KALRN: variants seen among roughly 807,000 people sequenced by gnomAD.
KALRN encodes the protein kalirin.
In KALRN, 70 loss-of-function variants were observed where a neutral mutation model predicts 353.7. The ratio of observed to expected loss-of-function variants is 0.20; its 90% confidence interval spans 0.16 to 0.24. The LOEUF is 0.24. Among genes scored for constraint, KALRN ranks in the 10% least tolerant of loss-of-function variants. The pLI is 1.00. For missense variants in KALRN, 2,791 were observed against 3,756.7 expected, an observed-to-expected ratio of 0.74 and a Z score of 6.72; for synonymous variants, 1,391 against 1,434.8, an observed-to-expected ratio of 0.97 and a Z score of 0.69.
At chr3:124,167,485 G>T (rs1429604055) in intron 1 of KALRN, among the ~76,000 whole-genome samples, 1 of 152,190 alleles carries the variant, frequency 6.6e-6, no homozygotes, top group Non-Finnish European at 1.5e-5. Context: ...TGAAATAAAG[G>T]GGTTGAGCTA....
chr3:124,570,910 C>T (rs574934695), intron 34 of KALRN, among the ~76,000 whole-genome samples: 1 of 152,334 alleles, frequency 6.6e-6, no homozygotes, highest in African/African-American at 2.4e-5. Context: ...CCACAATGTC[C>T]TTGACAAGTG....
chr3:124,294,432 G>T (rs2076673778), intron 5 of KALRN, among the ~76,000 whole-genome samples: 1 of 151,462 alleles, frequency 6.6e-6, no homozygotes, highest in South Asian at 2.1e-4. Context: ...TTGTTTTATG[G>T]ATGCAATGTA....
intron 11 of KALRN, among the ~76,000 whole-genome samples, chr3:124,388,886 C>T (rs2088875869): frequency 6.6e-6 from 1 of 152,102 alleles, no homozygotes; most frequent in East Asian, 1.9e-4. Flanking sequence ...AAGTATGGGT[C>T]CTATTTGATC....
chr3:124,086,157 A>G (rs1054892976), intron 1 of KALRN, among the ~76,000 whole-genome samples: 26 of 152,044 alleles, frequency 1.7e-4, no homozygotes, highest in African/African-American at 6.3e-4. Context: ...ATACACTGCA[A>G]TGTGTGTATA....
chr3:124,080,171 G>C, intron 1 of KALRN: 1 of 395,786 alleles, frequency 2.5e-6, no homozygotes, highest in South Asian at 2.0e-5. Flanking sequence ...TTAGCTTTCT[G>C]TAGCCTTTCC....
intron 28 of KALRN, among the ~76,000 whole-genome samples, chr3:124,485,468 G>A (rs2062458983): frequency 1.3e-5 from 2 of 152,204 alleles, no homozygotes. Context: ...GTGGGCTCTG[G>A]ACCTTTGTTC....
chr3:124,367,100 G>A (rs1209828133), intron 10 of KALRN, among the ~76,000 whole-genome samples: 1,985 of 114,300 alleles, frequency 0.017, 59 homozygotes, highest in African/African-American at 0.061. Context: ...GTGGCTGGCC[G>A]GGCTGAGGGG....
intron 1 of KALRN, among the ~76,000 whole-genome samples, chr3:124,212,127 A>T (rs1174424210): frequency 2.0e-5 from 3 of 152,204 alleles, no homozygotes; most frequent in African/African-American, 7.2e-5. Context: ...TACAGTTTTA[A>T]GTTTGGGATA....
chr3:124,627,135 C>T (rs1292269688), intron 34 of KALRN, among the ~76,000 whole-genome samples: 2 of 152,134 alleles, frequency 1.3e-5, no homozygotes, highest in East Asian at 1.9e-4. Context: ...TCTGAAGAAG[C>T]GATTAACTAA....
intron 1 of KALRN, among the ~76,000 whole-genome samples, chr3:124,070,869 C>G (rs2059984020): frequency 6.6e-6 from 1 of 152,134 alleles, no homozygotes; most frequent in African/African-American, 2.4e-5. Flanking sequence ...AGTTTTGCCA[C>G]CTATAAAAAG....
At chr3:124,487,351 A>G (rs983448204) in intron 28 of KALRN, among the ~76,000 whole-genome samples, 6 of 152,192 alleles carry the variant, frequency 3.9e-5, no homozygotes, top group Admixed American at 1.3e-4. Flanking sequence ...AGGAAATACA[A>G]AAGAAAGGAC....
chr3:124,434,780 G>A (rs76988380), intron 17 of KALRN, among the ~76,000 whole-genome samples: 92 of 152,320 alleles, frequency 6.0e-4, no homozygotes, highest in African/African-American at 2.2e-3. Context: ...TAGAAATTGG[G>A]TGTATACTAA....
intron 1 of KALRN, among the ~76,000 whole-genome samples, chr3:124,209,277 G>T (rs2076693211): frequency 6.6e-6 from 1 of 151,792 alleles, no homozygotes; most frequent in African/African-American, 2.4e-5. Context: ...GGCCAAGGTG[G>T]GCAGATTGTC....
chr3:124,137,852 T>C (rs970742378), intron 1 of KALRN, among the ~76,000 whole-genome samples: 1 of 152,098 alleles, frequency 6.6e-6, no homozygotes, highest in Non-Finnish European at 1.5e-5. Flanking sequence ...CTGAATGTAA[T>C]AGTGTCCTCT....
intron 5 of KALRN, among the ~76,000 whole-genome samples, chr3:124,293,578 C>T (rs1181344892): frequency 6.6e-6 from 1 of 151,044 alleles, no homozygotes; most frequent in Admixed American, 6.6e-5. Flanking sequence ...GGATTTTAGC[C>T]AGCAGAAAAA....
intron 1 of KALRN, among the ~76,000 whole-genome samples, chr3:124,202,509 C>G (rs897575533): frequency 3.3e-5 from 5 of 152,154 alleles, no homozygotes; most frequent in African/African-American, 1.2e-4. Flanking sequence ...GGCTAGGCCT[C>G]CCAAAGTGCT....
At chr3:124,089,973 C>G (rs972119294) in intron 1 of KALRN, among the ~76,000 whole-genome samples, 3 of 152,166 alleles carry the variant, frequency 2.0e-5, no homozygotes, top group Non-Finnish European at 4.4e-5. Context: ...ATATTAAGCT[C>G]TCATCATAAA....
intron 49 of KALRN, chr3:124,675,174 C>G (rs1264983063): frequency 6.6e-6 from 1 of 152,046 alleles, no homozygotes; most frequent in African/African-American, 2.4e-5. Context: ...TTCCCTTCAC[C>G]CCGTCACTTG....
intron 34 of KALRN, chr3:124,585,030 T>A (rs1193717520): frequency 1.7e-6 from 2 of 1,187,222 alleles, no homozygotes; most frequent in Admixed American, 5.8e-5. Context: ...GGGCTGGGGA[T>A]CAGGAGGGCG....
Sources: gnomAD v4.1 joint callset for allele counts (sites outside exome capture counted in the v4.1 genomes callset) on GRCh38, gnomAD v4.1.1 for gene constraint, MANE v1.5 for transcripts, NCBI Gene and HGNC (gene_info 2026-07-23, HGNC 2026-07-21) for gene names.